The following OPCML variants were observed in gnomAD, a reference collection of about 807,000 sequenced individuals.
OPCML encodes opioid binding protein/cell adhesion molecule like.
OPCML carries 13 observed loss-of-function variants against 37.8 expected under a neutral mutation model. The observed-to-expected ratio is 0.34, with a 90% CI of 0.22 to 0.55. The LOEUF is 0.55. Among genes scored for constraint, OPCML ranks in the 20% least tolerant of loss-of-function variants. The probability of loss-of-function intolerance (pLI) is 0.91; values close to 1 mark genes in which losing one functional copy is unlikely to be tolerated. For synonymous variants in OPCML, 176 were observed against 168.8 expected, an observed-to-expected ratio of 1.04 and a Z score of -0.33; for missense variants, 341 against 435.6, an observed-to-expected ratio of 0.78 and a Z score of 1.93.
chr11:132,854,311 C>T (rs1023534987), intron 2 of OPCML, among the ~76,000 whole-genome samples: 2 of 152,218 alleles, frequency 1.3e-5, no homozygotes, highest in African/African-American at 4.8e-5. Flanking sequence ...TGGATGTGTT[C>T]TTGTTCATCA....
chr11:133,431,485 C>T (rs11223470), intron 1 of OPCML, among the ~76,000 whole-genome samples: 5,053 of 152,056 alleles, frequency 0.033, 122 homozygotes, highest in Middle Eastern at 0.058. Context: ...TTGTTTTCGA[C>T]GCGGAGTTTT....
In OPCML at chr11:133,342,101, G is replaced by A. The variant is rs1448925722; in HGVS notation, c.61+190163C>T. On this transcript the variant is annotated intron_variant, in intron 1 of 7. Coordinates refer to ENST00000524381, the MANE Select transcript of OPCML (RefSeq NM_001012393.5). ...CTAGGGGAGGCAGGAAGACAGCTTT[G>A]AGGCTTCCATGTGATATCTCCCGGC... Among the ~76,000 whole-genome samples, 3 of 152,228 alleles carry A rather than the reference G, an allele frequency of 2.0e-5. No individual in the cohort carries two copies. In the East Asian group the frequency reaches 5.8e-4, roughly 29 times the overall value.
chr11:132,503,454 T>C (rs1467852119), intron 4 of OPCML, among the ~76,000 whole-genome samples: 1 of 152,154 alleles, frequency 6.6e-6, no homozygotes, highest in Non-Finnish European at 1.5e-5. Context: ...CATTTGGTGC[T>C]TTACCTACAA....
chr11:132,511,199 C>T (rs2096268107), intron 4 of OPCML, among the ~76,000 whole-genome samples: 1 of 152,008 alleles, frequency 6.6e-6, no homozygotes. Context: ...TTAAAATTTC[C>T]TTTATAATCA....
chr11:133,530,502 TGCCTAC>T (rs1948583558), intron 1 of OPCML, among the ~76,000 whole-genome samples: 1 of 152,184 alleles, frequency 6.6e-6, no homozygotes, highest in African/African-American at 2.4e-5. Context: ...GCTGGGGACT[TGCCTAC>T]GCAGGAAAGT....
chr11:132,605,022 T>C (rs1413472918), intron 3 of OPCML, among the ~76,000 whole-genome samples: 7 of 151,812 alleles, frequency 4.6e-5, no homozygotes, highest in Admixed American at 1.3e-4. Flanking sequence ...ATGCAGAGGG[T>C]TTAGAATGGT....
At chr11:132,982,941 C>T (rs779214373) in intron 1 of OPCML, among the ~76,000 whole-genome samples, 2 of 152,202 alleles carry the variant, frequency 1.3e-5, no homozygotes, top group South Asian at 4.1e-4. Flanking sequence ...GTTGATACTC[C>T]TGTTCCCAGC....
chr11:132,733,550 T>A (rs1236728192), intron 2 of OPCML, among the ~76,000 whole-genome samples: 1 of 152,064 alleles, frequency 6.6e-6, no homozygotes, highest in Non-Finnish European at 1.5e-5. Flanking sequence ...GGGAAAGAGA[T>A]GTGGTCAAAG....
intron 4 of OPCML, among the ~76,000 whole-genome samples, chr11:132,488,098 C>A (rs2512701): frequency 0.14 from 20,725 of 152,202 alleles, 1,696 homozygotes; most frequent in East Asian, 0.37. Context: ...CAACCGCATG[C>A]CTATGCAGCT....
At chr11:133,341,913 A>T (rs1034871332) in intron 1 of OPCML, among the ~76,000 whole-genome samples, 1 of 150,580 alleles carries the variant, frequency 6.6e-6, no homozygotes, top group African/African-American at 2.4e-5. Context: ...ATAAGACTCC[A>T]TTTTGGGGAA....
At chr11:133,073,493 C>T (rs187072820) in intron 1 of OPCML, among the ~76,000 whole-genome samples, 92 of 152,346 alleles carry the variant, frequency 6.0e-4, no homozygotes, top group African/African-American at 2.0e-3. Flanking sequence ...TTCTCAGCAC[C>T]ATTCTAATGA....
chr11:132,834,374 G>A (rs10791255), intron 2 of OPCML, among the ~76,000 whole-genome samples: 45,137 of 152,034 alleles, frequency 0.3, 7,919 homozygotes, highest in Non-Finnish European at 0.41. Flanking sequence ...AATACTAGGC[G>A]TAAGCTTCTG....
At chr11:132,525,708 T>C (rs894034524) in intron 4 of OPCML, 8 of 150,710 alleles carry the variant, frequency 5.3e-5, no homozygotes, top group African/African-American at 1.9e-4. Context: ...TTTTCTTTTT[T>C]ATTATTATAT....
intron 1 of OPCML, among the ~76,000 whole-genome samples, chr11:133,321,074 T>C (rs1037456250): frequency 2.0e-5 from 3 of 152,102 alleles, no homozygotes; most frequent in African/African-American, 7.2e-5. Context: ...ATAGGGCATG[T>C]ATCTGAAGAC....
At chr11:133,166,843 A>C (rs763376602) in intron 1 of OPCML, among the ~76,000 whole-genome samples, 8 of 152,228 alleles carry the variant, frequency 5.3e-5, no homozygotes, top group Non-Finnish European at 1.0e-4. Context: ...AGAACCTCTT[A>C]GCAATTCAGT....
chr11:132,701,199 C>T (rs1243182989), intron 2 of OPCML, among the ~76,000 whole-genome samples: 1 of 152,222 alleles, frequency 6.6e-6, no homozygotes, highest in Non-Finnish European at 1.5e-5. Context: ...GCACATCTTA[C>T]ATGTTGGCAG....
At chr11:132,691,797 A>G (rs935121159) in intron 2 of OPCML, among the ~76,000 whole-genome samples, 1 of 152,254 alleles carries the variant, frequency 6.6e-6, no homozygotes, top group Non-Finnish European at 1.5e-5. Context: ...AGAAGGAAAC[A>G]GCATTTGAAA....
chr11:132,943,003 G>A lies in OPCML; in HGVS notation c.69C>T (p.Pro23=), dbSNP rs1176169196. The part of the protein sequence containing the change: ...TTALLFIPGV[P]VRSGDATFPK... Reference sequence around the variant, plus strand: ...GGAAGGTGGCATCTCCGCTGCGCACGGGCACTCCTGTGGGTACAAGGAACA... The same window carrying A: ...GGAAGGTGGCATCTCCGCTGCGCACAGGCACTCCTGTGGGTACAAGGAACA... Residue 23 remains proline (P), a synonymous_variant, in exon 2 of 8, where the codon CCC becomes CCT. Coordinates refer to ENST00000524381, the MANE Select transcript of OPCML (RefSeq NM_001012393.5). This position sits in a 1 kb window ranked among gnomAD's most constrained non-coding sequence, Gnocchi z 4.3. 2 of 1,614,132 alleles carry A rather than the reference G, an allele frequency of 1.2e-6. No individual in the cohort carries two copies. Among genetic ancestry groups the A allele is most frequent in the Non-Finnish European group, 1.7e-6 (2 of 1,180,016 alleles).
chr11:132,834,415 C>A (rs1421355543), intron 2 of OPCML, among the ~76,000 whole-genome samples: 1 of 152,344 alleles, frequency 6.6e-6, no homozygotes, highest in East Asian at 1.9e-4. Context: ...TGTCACAAAG[C>A]ACCATCAACT....
Sources: gnomAD v4.1 joint callset for allele counts (sites outside exome capture counted in the v4.1 genomes callset) on GRCh38, gnomAD v4.1.1 for gene constraint, Gnocchi (gnomAD v3.1) non-coding constraint, MANE v1.5 for transcripts, NCBI Gene and HGNC (gene_info 2026-07-23, HGNC 2026-07-21) for gene names.